The following COBL variants were observed in gnomAD, a reference collection of about 807,000 sequenced individuals.
COBL encodes the protein protein cordon-bleu.
Under a neutral mutation model 98.8 loss-of-function variants are expected in COBL, and 51 were observed. That is an observed-to-expected ratio of 0.52 (90% CI 0.41 to 0.65). COBL has a LOEUF of 0.65. Ranked by LOEUF, COBL falls within the 30% of genes least tolerant of loss-of-function variation. COBL has a pLI of 0.00. For synonymous variants in COBL, 634 were observed against 651.7 expected (o/e 0.97, Z 0.41); for missense variants, 1,617 against 1,617.5 (o/e 1.00, Z 0.01).
chr7:51,278,365 T>C (rs1022233802), intron 1 of COBL, among the ~76,000 whole-genome samples: 8 of 148,390 alleles, frequency 5.4e-5, no homozygotes, highest in Non-Finnish European at 1.0e-4. Flanking sequence ...AAGCATGCTA[T>C]ATTTAGACAG....
At chr7:51,172,771 T>G (rs1312115979) in intron 5 of COBL, among the ~76,000 whole-genome samples, 1 of 152,164 alleles carries the variant, frequency 6.6e-6, no homozygotes, top group Non-Finnish European at 1.5e-5. Context: ...CTTTCTTTCT[T>G]TTTTTCTTTC....
At chr7:51,024,639 G>T (rs1355214437) in intron 12 of COBL, among the ~76,000 whole-genome samples, 1 of 149,714 alleles carries the variant, frequency 6.7e-6, no homozygotes, top group Non-Finnish European at 1.5e-5. Flanking sequence ...AGGCTGGAAT[G>T]CAAGCATGTA....
intron 1 of COBL, among the ~76,000 whole-genome samples, chr7:51,291,036 T>C (rs894740924): frequency 3.3e-5 from 5 of 152,098 alleles, no homozygotes; most frequent in African/African-American, 7.2e-5. Flanking sequence ...TCACAACCCT[T>C]GGGGTATGAC....
At chr7:51,068,790 A>G (rs4948185) in intron 7 of COBL, among the ~76,000 whole-genome samples, 20,528 of 152,228 alleles carry the variant, frequency 0.13, 1,545 homozygotes, top group African/African-American at 0.19. Flanking sequence ...ATCCCCATCA[A>G]TGTTCTTCCT....
At chr7:51,315,573 A>T (rs1160890237) in intron 1 of COBL, among the ~76,000 whole-genome samples, 1 of 140,802 alleles carries the variant, frequency 7.1e-6, no homozygotes. Context: ...GCTCACCCCA[A>T]CCCTCATTCC....
intron 6 of COBL, among the ~76,000 whole-genome samples, chr7:51,132,273 T>G (rs533807204): frequency 5.4e-4 from 83 of 152,336 alleles, no homozygotes; most frequent in Non-Finnish European, 9.9e-4. Flanking sequence ...CTCCCAGCTT[T>G]ATGCAGAGCA....
chr7:51,198,451 T>C (rs773895375), intron 2 of COBL, among the ~76,000 whole-genome samples: 4 of 152,178 alleles, frequency 2.6e-5, no homozygotes, highest in Non-Finnish European at 5.9e-5. Context: ...TTTTCTTTCA[T>C]TTTGACCTTG....
In COBL at chr7:51,110,653, GCAC is replaced by G. The variant is rs1796740411; in HGVS notation, c.958-25352_958-25350del. 3.9e-5 allele frequency among the ~76,000 whole-genome samples: 6 copies of G among 152,250 alleles called. No homozygotes were observed. In the South Asian group the frequency reaches 1.2e-3, roughly 32 times the overall value. On this transcript the variant is annotated intron_variant, in intron 6 of 12. Transcript: ENST00000265136. ...ACCCATCACCCAAGCGGTATATACT[GCAC>G]CATATTTGTTGTCTTTTATCCCTTA... is the stretch of plus-strand genomic sequence containing the variant.
chr7:51,312,683 A>AG (rs1803171821), intron 1 of COBL, among the ~76,000 whole-genome samples: 1 of 152,168 alleles, frequency 6.6e-6, no homozygotes, highest in Non-Finnish European at 1.5e-5. Context: ...CACAGAATCC[A>AG]GGCCTGCATA....
At chr7:51,173,937 A>C (rs1584053076) in intron 5 of COBL, among the ~76,000 whole-genome samples, 1 of 152,180 alleles carries the variant, frequency 6.6e-6, no homozygotes, top group East Asian at 1.9e-4. Context: ...ACACATATAC[A>C]CACATACCTA....
chr7:51,069,108 C>A (rs1792256688), intron 7 of COBL, among the ~76,000 whole-genome samples: 1 of 152,330 alleles, frequency 6.6e-6, no homozygotes. Context: ...CCTTCTGGGG[C>A]ATTCCCTGCA....
chr7:51,054,735 T>C (rs1036489276), intron 7 of COBL, among the ~76,000 whole-genome samples: 1 of 152,196 alleles, frequency 6.6e-6, no homozygotes, highest in African/African-American at 2.4e-5. Context: ...TCCTTCTCAT[T>C]TTCTGTGCAA....
rs11769607 is a variant in COBL, at chr7:51,204,620, G to A, written c.246-11031C>T. ...AGGCTGGAGTGCATGGTGCTATCTC[G>A]GCTCACTGCAACCTCCGCCTCCCGG... is the stretch of plus-strand genomic sequence containing the variant. On this transcript the variant is annotated intron_variant, in intron 2 of 12. Coordinates refer to ENST00000265136, the MANE Select transcript of COBL (RefSeq NM_015198.5). Among the ~76,000 whole-genome samples the A allele has an allele frequency of 7.9e-3, 1,171 of 148,974 alleles. 11 individuals carry two copies. The highest frequency in any genetic ancestry group is 0.011 in the Non-Finnish European group (739 of 67,698).
At position 51,136,216 on chromosome 7, in the gene COBL, C is replaced by T. The variant is rs774106225; in HGVS notation, c.899G>A (p.Arg300His). ...TGAACCTGGAGGAGGAGGGGCTCGG[C>T]GCTTCTTCATCTCCGACTTCACGGA... Reference protein sequence around the residue: ...GVSVKSEMKKRRAPPPPGSGP... With the variant: ...GVSVKSEMKKHRAPPPPGSGP... Residue 300 changes from arginine to histidine, a missense_variant, in exon 6 of 13, where the codon CGC becomes CAC. By Grantham distance (29) the Arg-to-His change is conservative (BLOSUM62 0). Around this residue, in one of 3 missense-constraint regions of COBL, gnomAD observed 1,304 missense variants for 1,282.0 expected, o/e 1.02. Coordinates refer to ENST00000265136, the MANE Select transcript of COBL (RefSeq NM_015198.5). 9.9e-6 allele frequency: 16 copies of T among 1,613,254 alleles called. No homozygotes were observed. Among genetic ancestry groups the T allele is most frequent in the East Asian group, 4.5e-5 (2 of 44,878 alleles).
At chr7:51,173,100 T>C (rs570194296) in intron 5 of COBL, among the ~76,000 whole-genome samples, 37 of 152,024 alleles carry the variant, frequency 2.4e-4, no homozygotes, top group African/African-American at 8.9e-4. Flanking sequence ...AAATATGCAA[T>C]TTTAAAACAG....
intron 1 of COBL, among the ~76,000 whole-genome samples, chr7:51,283,547 C>T (rs1042157405): frequency 1.3e-5 from 2 of 152,130 alleles, no homozygotes; most frequent in Non-Finnish European, 2.9e-5. Context: ...TGCAGGGGCG[C>T]GATCCTGGCT....
chr7:51,275,855 G>A (rs1799265858), intron 1 of COBL, among the ~76,000 whole-genome samples: 1 of 152,204 alleles, frequency 6.6e-6, no homozygotes, highest in African/African-American at 2.4e-5. Context: ...CCTGATTAGG[G>A]GCTGTAGGCC....
At chr7:51,106,996 T>C (rs998820622) in intron 6 of COBL, among the ~76,000 whole-genome samples, 1 of 152,098 alleles carries the variant, frequency 6.6e-6, no homozygotes, top group Non-Finnish European at 1.5e-5. Context: ...GTTGATGTTA[T>C]GATCTGTAAA....
At chr7:51,316,012 G>C (rs1429384933) in intron 1 of COBL, among the ~76,000 whole-genome samples, 1 of 152,210 alleles carries the variant, frequency 6.6e-6, no homozygotes, top group Non-Finnish European at 1.5e-5. Flanking sequence ...CAGGGAGGGA[G>C]AGCTGCTGCC....
Sources: allele counts gnomAD v4.1 joint callset (sites outside exome capture counted in the v4.1 genomes callset), GRCh38; gene constraint gnomAD v4.1.1; regional missense constraint gnomAD v4.1.1; transcripts MANE v1.5; gene names NCBI Gene and HGNC (gene_info 2026-07-23, HGNC 2026-07-21).